Variants in NEK7 observed in about 807,000 individuals in gnomAD.
NEK7 encodes the protein serine/threonine-protein kinase Nek7.
Under a neutral mutation model 44.6 loss-of-function variants are expected in NEK7, and 18 were observed. The ratio of observed to expected loss-of-function variants is 0.40; its 90% CI spans 0.28 to 0.60. The LOEUF (loss-of-function observed/expected upper bound fraction) is 0.60. Ranked by LOEUF, NEK7 falls within the 20% of genes least tolerant of loss-of-function variation. NEK7 has a pLI of 0.38. For missense variants in NEK7, 256 were observed against 366.5 expected (o/e 0.70, Z 2.46); for synonymous variants, 130 against 121.1 (o/e 1.07, Z -0.48).
chr1:198,252,895 A>G (rs973746008), intron 2 of NEK7, 145 bp from the exon 3 acceptor site: 1 of 637,436 alleles, frequency 1.6e-6, no homozygotes, highest in African/African-American at 1.8e-5. Flanking sequence ...TGCCTGGCAT[A>G]AGTTCAGTAA....
chr1:198,295,666 A>G (rs1310002455), intron 8 of NEK7, among the ~76,000 whole-genome samples: 1 of 151,876 alleles, frequency 6.6e-6, no homozygotes, highest in African/African-American at 2.4e-5. Context: ...AAAAAGGACT[A>G]TAATGAACGC....
chr1:198,191,523 T>C (rs1281608071), intron 1 of NEK7, among the ~76,000 whole-genome samples: 1 of 152,052 alleles, frequency 6.6e-6, no homozygotes, highest in East Asian at 1.9e-4. Context: ...ATCCTAGATA[T>C]GAATTCTAAG....
At chr1:198,273,140 C>G (rs1653906464) in intron 5 of NEK7, among the ~76,000 whole-genome samples, 1 of 151,650 alleles carries the variant, frequency 6.6e-6, no homozygotes, top group Non-Finnish European at 1.5e-5. Flanking sequence ...CAGGAAAAGA[C>G]AAAGACTAGT....
At chr1:198,206,244 C>T (rs1412347146) in intron 1 of NEK7, among the ~76,000 whole-genome samples, 3 of 151,994 alleles carry the variant, frequency 2.0e-5, no homozygotes, top group African/African-American at 7.2e-5. Context: ...GAATTAAGTA[C>T]ATTCATTAGG....
intron 9 of NEK7, among the ~76,000 whole-genome samples, chr1:198,310,683 C>A (rs1300546083): frequency 6.6e-6 from 1 of 152,090 alleles, no homozygotes; most frequent in African/African-American, 2.4e-5. Flanking sequence ...TCCCCAACAC[C>A]ATTTATTAAA....
intron 1 of NEK7, among the ~76,000 whole-genome samples, chr1:198,231,043 A>G (rs1666373223): frequency 6.6e-6 from 1 of 151,704 alleles, no homozygotes; most frequent in Admixed American, 6.6e-5. Context: ...TAGAAAATCG[A>G]AATAGGCTGA....
At chr1:198,174,350 G>T (rs1664537443) in intron 1 of NEK7, among the ~76,000 whole-genome samples, 4 of 150,204 alleles carry the variant, frequency 2.7e-5, no homozygotes, top group Admixed American at 2.7e-4. Flanking sequence ...ATCTTAATTT[G>T]CATTGACGTT....
intron 1 of NEK7, among the ~76,000 whole-genome samples, chr1:198,218,718 A>T (rs1665996005): frequency 6.8e-6 from 1 of 146,670 alleles, no homozygotes. Context: ...GCAAGAAAAA[A>T]ATCCAATTAA....
intron 7 of NEK7, among the ~76,000 whole-genome samples, chr1:198,291,208 G>GC (rs532860034): frequency 1.1e-3 from 166 of 152,196 alleles, no homozygotes; most frequent in African/African-American, 3.9e-3. Context: ...GTTTTCAGTT[G>GC]CCCCCCTGTG....
At chr1:198,204,227 T>C (rs1665521557) in intron 1 of NEK7, among the ~76,000 whole-genome samples, 1 of 152,000 alleles carries the variant, frequency 6.6e-6, no homozygotes. Context: ...ACCACTGCAC[T>C]CCAGCCCGTG....
intron 1 of NEK7, among the ~76,000 whole-genome samples, chr1:198,205,261 A>G (rs1665561341): frequency 6.6e-6 from 1 of 152,202 alleles, no homozygotes; most frequent in South Asian, 2.1e-4. Flanking sequence ...ACTTTCAATG[A>G]TACATCTGGA....
intron 2 of NEK7, among the ~76,000 whole-genome samples, chr1:198,247,514 C>T (rs968125439): frequency 3.3e-5 from 5 of 152,014 alleles, no homozygotes; most frequent in African/African-American, 1.2e-4. Context: ...GTTGTGGGGA[C>T]GAAAATGGGA....
At chr1:198,250,864 C>A (rs1330778851) in intron 2 of NEK7, among the ~76,000 whole-genome samples, 2 of 151,534 alleles carry the variant, frequency 1.3e-5, no homozygotes, top group East Asian at 1.9e-4. Context: ...TAATTGAATA[C>A]CCTTTATTTC....
At chr1:198,284,674 C>G (rs1654315559) in intron 7 of NEK7, among the ~76,000 whole-genome samples, 1 of 152,082 alleles carries the variant, frequency 6.6e-6, no homozygotes, top group East Asian at 1.9e-4. Flanking sequence ...CTGAGGTCTC[C>G]TTTCAGCAAA....
chr1:198,167,347 T>A, intron 1 of NEK7, among the ~76,000 whole-genome samples: 1 of 152,320 alleles, frequency 6.6e-6, no homozygotes, highest in East Asian at 1.9e-4. Flanking sequence ...ATTTTCAAAT[T>A]TCTGATGTTT....
chr1:198,318,875 C>T (rs535523377), intron 9 of NEK7, among the ~76,000 whole-genome samples: 1 of 152,120 alleles, frequency 6.6e-6, no homozygotes, highest in South Asian at 2.1e-4. Flanking sequence ...ACACTTATAA[C>T]TTCCCATATA....
At chr1:198,222,384 A>G (rs1220065985) in intron 1 of NEK7, among the ~76,000 whole-genome samples, 2 of 152,128 alleles carry the variant, frequency 1.3e-5, no homozygotes, top group Non-Finnish European at 2.9e-5. Flanking sequence ...AGAAATTTGA[A>G]TATTATAAAA....
At chr1:198,293,905 A>C (rs1279061480) in intron 8 of NEK7, among the ~76,000 whole-genome samples, 2 of 151,862 alleles carry the variant, frequency 1.3e-5, no homozygotes, top group African/African-American at 2.4e-5. Context: ...GAGAAGTCTA[A>C]AGAGGATAAA....
intron 1 of NEK7, among the ~76,000 whole-genome samples, chr1:198,198,770 TCA>T (rs921398650): frequency 1.3e-5 from 2 of 152,240 alleles, no homozygotes; most frequent in African/African-American, 4.8e-5. Flanking sequence ...CAAATGATTC[TCA>T]GTTTTTAATT....
Sources: allele counts gnomAD v4.1 joint callset (sites outside exome capture counted in the v4.1 genomes callset), GRCh38; gene constraint gnomAD v4.1.1; transcripts MANE v1.5; gene names NCBI Gene and HGNC (gene_info 2026-07-23, HGNC 2026-07-21).